MPZL3: variants seen among roughly 807,000 people sequenced by gnomAD.
MPZL3 encodes myelin protein zero-like protein 3.
Under a neutral mutation model 24.8 loss-of-function variants are expected in MPZL3, and 23 were observed. The observed-to-expected ratio is 0.93, with a 90% CI of 0.67 to 1.31. The LOEUF (loss-of-function observed/expected upper bound fraction) is 1.31. Ranked by LOEUF, MPZL3 falls within the 40% of genes most tolerant of loss-of-function variation. The pLI, the probability that MPZL3 is intolerant of heterozygous loss-of-function variation, is 0.00. For missense variants in MPZL3, 277 were observed against 294.9 expected (o/e 0.94, Z 0.44); for synonymous variants, 99 against 106.5 (o/e 0.93, Z 0.44).
intron 2 of MPZL3, among the ~76,000 whole-genome samples, chr11:118,237,962 C>T (rs1341294697): frequency 6.6e-6 from 1 of 151,990 alleles, no homozygotes; most frequent in Admixed American, 6.6e-5. Flanking sequence ...CATAGTGAAA[C>T]CCCATCTCTA....
At chr11:118,232,309 C>A (rs1208828966) in intron 5 of MPZL3, among the ~76,000 whole-genome samples, 1 of 152,022 alleles carries the variant, frequency 6.6e-6, no homozygotes, top group Non-Finnish European at 1.5e-5. Flanking sequence ...AAATGTCACA[C>A]CCCCATCCAG....
intron 3 of MPZL3, among the ~76,000 whole-genome samples, chr11:118,235,845 G>A (rs753467644): frequency 2.6e-5 from 4 of 152,012 alleles, no homozygotes; most frequent in Admixed American, 6.6e-5. Flanking sequence ...GGTGCAAGGA[G>A]GGCATATATA....
chr11:118,245,766 A>T (rs957122133), intron 1 of MPZL3, among the ~76,000 whole-genome samples: 1 of 152,232 alleles, frequency 6.6e-6, no homozygotes, highest in Non-Finnish European at 1.5e-5. Flanking sequence ...GGCCTAAATC[A>T]ATTATGACAT....
At chr11:118,243,136 C>T (rs1949516466) in intron 1 of MPZL3, among the ~76,000 whole-genome samples, 1 of 152,102 alleles carries the variant, frequency 6.6e-6, no homozygotes, top group Non-Finnish European at 1.5e-5. Context: ...GGACAATTAC[C>T]ATAAGAAATG....
chr11:118,243,463 T>C (rs1949522364), intron 1 of MPZL3, among the ~76,000 whole-genome samples: 2 of 152,154 alleles, frequency 1.3e-5, no homozygotes, highest in Non-Finnish European at 2.9e-5. Context: ...CTCCATTCCC[T>C]GCTTTAGCAG....
In MPZL3 at chr11:118,240,262, T is replaced by C. The variant is rs2853006; in HGVS notation, c.189A>G (p.Lys63=). The change falls in exon 2 of 6, where the codon AAA becomes AAG. Residue 63 remains lysine (K), a synonymous_variant. Coordinates refer to ENST00000278949, the MANE Select transcript of MPZL3 (RefSeq NM_198275.3). ...TFKSTSDVTD[K]LTIDWTYRPP... is the part of the protein sequence containing the mutation. ...GGCGATATGTCCAGTCTATAGTAAG[T>C]TTGTCAGTGACATCTGAAGTTGACT... 1,176,681 of 1,603,112 alleles carry C rather than the reference T, an allele frequency of 0.73. 433,620 individuals are homozygous for C. The highest frequency in any genetic ancestry group is 0.9 in the African/African-American group (66,739 of 74,408).
In MPZL3 at chr11:118,240,732, GACACACACACACACACACACAC is replaced by G. The variant is rs56100329; in HGVS notation, c.74-377_74-356del. On this transcript the variant is annotated intron_variant, in intron 1 of 5. Transcript: ENST00000278949. ...CACCCATCCCCTTCCATCCCCCGCA[GACACACACACACACACACACAC>G]ACACACACACACACACACACACACA... 9.3e-4 allele frequency among the ~76,000 whole-genome samples: 113 copies of G among 121,632 alleles called. 1 individual carries two copies. The highest frequency in any genetic ancestry group is 3.0e-3 in the African/African-American group (94 of 31,774). The allele number at this position is 121,632 out of a possible 152,430, so 79.8% of individuals were successfully genotyped here. A position where few individuals can be genotyped will look rare whatever the true frequency, so the allele number is the denominator to read the frequency against.
chr11:118,247,254 G>A (rs913582216), intron 1 of MPZL3, among the ~76,000 whole-genome samples: 3 of 152,056 alleles, frequency 2.0e-5, no homozygotes, highest in Non-Finnish European at 4.4e-5. Flanking sequence ...CTGGTGGGAG[G>A]GGAGAAAACT....
intron 1 of MPZL3, among the ~76,000 whole-genome samples, chr11:118,250,575 G>C (rs1057323196): frequency 6.6e-6 from 1 of 151,778 alleles, no homozygotes; most frequent in Non-Finnish European, 1.5e-5. Flanking sequence ...TTTCTTTTTT[G>C]TTTGTTTTTG....
rs1011446323 is a variant in MPZL3, at chr11:118,228,592, T to C, written c.*1302A>G. 1 of 152,208 alleles carries C rather than the reference T, an allele frequency of 6.6e-6. No homozygotes were observed. The highest frequency in any genetic ancestry group is 1.5e-5 in the Non-Finnish European group (1 of 68,038). The allele number at this position is 152,208 out of a possible 1,614,324, so 9.4% of individuals were successfully genotyped here. On this transcript the variant is annotated 3_prime_UTR_variant, in exon 6 of 6. Coordinates refer to ENST00000278949, the MANE Select transcript of MPZL3 (RefSeq NM_198275.3). ...TGAGAGAATACAAAGGAGAAGTATGTCATGCACAATCTCACTTCCTCATCT... is the reference window on the plus strand; with the variant it reads ...TGAGAGAATACAAAGGAGAAGTATGCCATGCACAATCTCACTTCCTCATCT...
intron 3 of MPZL3, among the ~76,000 whole-genome samples, chr11:118,236,027 C>T (rs539399098): frequency 7.2e-5 from 11 of 152,190 alleles, no homozygotes; most frequent in South Asian, 2.1e-4. Flanking sequence ...CAAGTTGGTT[C>T]GAATTCTTAG....
chr11:118,237,371 A>G, intron 2 of MPZL3, 111 bp from the exon 3 acceptor site: 1 of 950,952 alleles, frequency 1.1e-6, no homozygotes, highest in Non-Finnish European at 1.6e-6. Flanking sequence ...GTTTTTTTTC[A>G]GTTGGGCAAC....
chr11:118,251,485 A>G, intron 1 of MPZL3, among the ~76,000 whole-genome samples: 1 of 152,148 alleles, frequency 6.6e-6, no homozygotes, highest in South Asian at 2.1e-4. Context: ...TCCAGGAAAT[A>G]ATTGTACCTT....
intron 5 of MPZL3, among the ~76,000 whole-genome samples, chr11:118,232,771 C>A (rs1490244324): frequency 1.3e-5 from 2 of 152,106 alleles, no homozygotes; most frequent in African/African-American, 4.8e-5. Flanking sequence ...AATTAGTCAT[C>A]GAGCCAAGTG....
At position 118,229,700 on chromosome 11, in the gene MPZL3, CT is replaced by C. The variant is rs1949323599; in HGVS notation, c.*193del. 6 of 510,690 alleles carry C rather than the reference CT, an allele frequency of 1.2e-5. No individual in the cohort carries two copies. In the East Asian group the frequency reaches 1.9e-4, roughly 16 times the overall value. The allele number at this position is 510,690 out of a possible 1,614,324, so 31.6% of individuals were successfully genotyped here. On this transcript the variant is annotated 3_prime_UTR_variant, in exon 6 of 6. Transcript: ENST00000278949. ...AGTCATGAGTCTCTTATGAGAGTTC[CT>C]GAACAGTTTATAAATACAACAAGAA...
At chr11:118,239,978 A>C (rs1311400775) in intron 2 of MPZL3, among the ~76,000 whole-genome samples, 1 of 152,126 alleles carries the variant, frequency 6.6e-6, no homozygotes, top group Non-Finnish European at 1.5e-5. Flanking sequence ...ATTAAACCAC[A>C]TTTCCTCTGA....
chr11:118,244,138 T>A (rs1793164), intron 1 of MPZL3, among the ~76,000 whole-genome samples: 118,663 of 152,186 alleles, frequency 0.78, 46,839 homozygotes, highest in African/African-American at 0.9. Context: ...CCAGTGACTC[T>A]TTGCTCCTTG....
intron 5 of MPZL3, among the ~76,000 whole-genome samples, chr11:118,232,634 G>A (rs1715423): frequency 0.091 from 13,772 of 151,920 alleles, 2,081 homozygotes; most frequent in African/African-American, 0.31. Flanking sequence ...AACTTATTTT[G>A]CGTTCTTAAA....
rs748224545 is a variant in MPZL3 at position 118,235,449 on chromosome 11, TC to T, written c.591del (p.Lys198SerfsTer50). On this transcript the variant is annotated frameshift_variant, in exon 4 of 6. Coordinates refer to ENST00000278949, the MANE Select transcript of MPZL3 (RefSeq NM_198275.3). ...GLKKRSRSGY[K>X]KSSIEVSDDT... ...TCATCGGAAACCTCAATAGATGACT[TC>T]TTATAGCCAGACCTGCTCCTCTTCT... 1 of 1,613,842 alleles carries T rather than the reference TC, an allele frequency of 6.2e-7. No individual in the cohort carries two copies. The highest frequency in any genetic ancestry group is 8.5e-7 in the Non-Finnish European group (1 of 1,179,868).
Sources: allele counts gnomAD v4.1 joint callset (sites outside exome capture counted in the v4.1 genomes callset), GRCh38; gene constraint gnomAD v4.1.1; transcripts MANE v1.5; gene names NCBI Gene and HGNC (gene_info 2026-07-23, HGNC 2026-07-21).